The following TFAP2B variants were observed in gnomAD, a reference collection of about 807,000 sequenced individuals.
TFAP2B encodes the protein transcription factor AP-2-beta.
Under a neutral mutation model 44.3 loss-of-function variants are expected in TFAP2B, and 9 were observed. The observed-to-expected ratio is 0.20, with a 90% CI of 0.12 to 0.35. The LOEUF (loss-of-function observed/expected upper bound fraction) is 0.35, where lower values mean the gene tolerates loss of function less well. Ranked by LOEUF, TFAP2B falls within the 10% of genes least tolerant of loss-of-function variation. The pLI is 1.00. For synonymous variants in TFAP2B, 270 were observed against 263.8 expected, an observed-to-expected ratio of 1.02 and a Z score of -0.23; for missense variants, 509 against 600.0, an observed-to-expected ratio of 0.85 and a Z score of 1.59.
Position 50,823,515 on chromosome 6 carries a change from G to T in TFAP2B, c.190G>T (p.Asp64Tyr). Residue 64 changes from aspartate (D) to tyrosine (Y), a missense_variant, in exon 2 of 7, where the codon GAC becomes TAC. By Grantham distance (160) the Asp-to-Tyr change is radical. This residue lies in a region of TFAP2B where 296 missense variants were observed against 308.2 expected (regional missense o/e 0.96). Coordinates refer to ENST00000393655, the MANE Select transcript of TFAP2B (RefSeq NM_003221.4). Reference sequence around the variant, plus strand: ...GCCGCTGTCCCACACCCCGTCGTCGGACTTCCAGCCGCCCTACTTCCCACC... The same window carrying T: ...GCCGCTGTCCCACACCCCGTCGTCGTACTTCCAGCCGCCCTACTTCCCACC... ...APPLSHTPSS[D>Y]FQPPYFPPPY... 6.2e-7 allele frequency: 1 copy of T among 1,613,618 alleles called. No homozygotes were observed. The highest frequency in any genetic ancestry group is 8.5e-7 in the Non-Finnish European group (1 of 1,179,884).
chr6:50,840,025 C>T (rs537487889), intron 5 of TFAP2B, 131 bp from the exon 6 acceptor site: 2 of 1,217,214 alleles, frequency 1.6e-6, no homozygotes, highest in Non-Finnish European at 2.4e-6. Flanking sequence ...TTAGGCATCT[C>T]TCACCTTTGC....
chr6:50,820,079 G>A (rs1032060296), intron 1 of TFAP2B, among the ~76,000 whole-genome samples: 1 of 152,200 alleles, frequency 6.6e-6, no homozygotes, highest in Admixed American at 6.5e-5. Flanking sequence ...AAGGAGGGAA[G>A]TCGAGGCGGG....
rs903447572 is a variant in TFAP2B at position 50,845,636 on chromosome 6, A to G, written c.*2244A>G. 1.3e-5 allele frequency: 2 copies of G among 152,652 alleles called. No homozygotes were observed. Among genetic ancestry groups the G allele is most frequent in the African/African-American group, 4.8e-5 (2 of 41,440 alleles). The allele number at this position is 152,652 out of a possible 1,614,324, so 9.5% of individuals were successfully genotyped here. A position where few individuals can be genotyped will look rare whatever the true frequency, so the allele number is the denominator to read the frequency against. On this transcript the variant is annotated 3_prime_UTR_variant, in exon 7 of 7. Coordinates refer to ENST00000393655, the MANE Select transcript of TFAP2B (RefSeq NM_003221.4). ...CCGAGAGCTCGGCCGATCGCATTAGATGTGTTCTGATTGCACAAGGCCAGG... is the reference window on the plus strand; with the variant it reads ...CCGAGAGCTCGGCCGATCGCATTAGGTGTGTTCTGATTGCACAAGGCCAGG...
At chr6:50,827,114 G>A (rs1031219865) in intron 2 of TFAP2B, among the ~76,000 whole-genome samples, 7 of 152,132 alleles carry the variant, frequency 4.6e-5, no homozygotes, top group African/African-American at 1.7e-4. Context: ...CAAGAGTGAG[G>A]GTAAGGTGTG....
chr6:50,828,995 A>T (rs778484032), intron 3 of TFAP2B, among the ~76,000 whole-genome samples: 3 of 152,218 alleles, frequency 2.0e-5, no homozygotes, highest in Non-Finnish European at 4.4e-5. Context: ...TGGCTGGTAA[A>T]CACTGGTTTC....
intron 2 of TFAP2B, among the ~76,000 whole-genome samples, chr6:50,826,021 A>T (rs920158661): frequency 2.0e-5 from 3 of 152,172 alleles, no homozygotes; most frequent in African/African-American, 7.2e-5. Flanking sequence ...TGTTTCCAGG[A>T]CCACAGCCTC....
At chr6:50,829,085 G>A (rs140557128) in intron 3 of TFAP2B, among the ~76,000 whole-genome samples, 20 of 152,210 alleles carry the variant, frequency 1.3e-4, no homozygotes, top group East Asian at 3.9e-4. Flanking sequence ...CTCTTTCTTC[G>A]TTTTGTATTT....
intron 3 of TFAP2B, among the ~76,000 whole-genome samples, chr6:50,832,331 A>T (rs1762521781): frequency 6.6e-6 from 1 of 152,156 alleles, no homozygotes; most frequent in Non-Finnish European, 1.5e-5. Flanking sequence ...AAGTGATGAG[A>T]CTCAACTCAG....
intron 3 of TFAP2B, 28 bp from the exon 4 acceptor site, chr6:50,836,033 T>A: frequency 6.3e-7 from 1 of 1,596,750 alleles, no homozygotes; most frequent in Non-Finnish European, 8.6e-7. Flanking sequence ...CTTGGTCACC[T>A]TTATGGCAAT....
Position 50,823,471 on chromosome 6 carries a change from G to A in TFAP2B, c.146G>A (p.Gly49Glu). The A allele has an allele frequency of 6.2e-7, 1 of 1,611,878 alleles. No individual in the cohort carries two copies. Residue 49 changes from glycine to glutamate, a missense_variant, in exon 2 of 7, where the codon GGA becomes GAA. Coordinates refer to ENST00000393655, the MANE Select transcript of TFAP2B (RefSeq NM_003221.4). ...RLSQLGSVSQ[G>E]PYSSAPPLSH... is the part of the protein sequence containing the mutation. ...TCCCAGCTGGGCTCGGTGTCCCAAG[G>A]ACCCTACTCGAGCGCCCCGCCGCTG...
intron 5 of TFAP2B, among the ~76,000 whole-genome samples, chr6:50,838,659 T>C (rs1762668946): frequency 6.6e-6 from 1 of 152,172 alleles, no homozygotes; most frequent in African/African-American, 2.4e-5. Context: ...GGTATTATCT[T>C]CAATGTAGAT....
intron 5 of TFAP2B, among the ~76,000 whole-genome samples, chr6:50,839,634 T>G (rs1319249907): frequency 6.6e-6 from 1 of 152,246 alleles, no homozygotes; most frequent in Non-Finnish European, 1.5e-5. Context: ...AGGAGAATTA[T>G]TATTTCATTG....
At chr6:50,820,231 G>T (rs1770301374) in intron 1 of TFAP2B, among the ~76,000 whole-genome samples, 1 of 152,212 alleles carries the variant, frequency 6.6e-6, no homozygotes, top group African/African-American at 2.4e-5. Context: ...AGCCGAGAAA[G>T]ACACGCGACC....
At chr6:50,840,348 A>G in intron 6 of TFAP2B, 51 bp downstream of exon 6, 1 of 1,607,620 alleles carries the variant, frequency 6.2e-7, no homozygotes, top group Non-Finnish European at 8.5e-7. Context: ...TGGCTAGGCC[A>G]CCCGACTTTG....
At chr6:50,824,429 T>C (rs1770447026) in intron 2 of TFAP2B, among the ~76,000 whole-genome samples, 2 of 152,224 alleles carry the variant, frequency 1.3e-5, no homozygotes, top group African/African-American at 4.8e-5. Flanking sequence ...GCTTTGAATG[T>C]CTCATAAGCC....
At position 50,840,169 on chromosome 6, in the gene TFAP2B, C is replaced by T. The variant is rs1762697488; in HGVS notation, c.954C>T (p.His318=). 1.2e-6 allele frequency: 2 copies of T among 1,613,988 alleles called. No individual in the cohort carries two copies. Among genetic ancestry groups the T allele is most frequent in the South Asian group, 1.1e-5 (1 of 91,084 alleles). ...TGTCTTTTTCAGGAGAAGCTGTTCA[C>T]TTAGCTAGGGATTTTGGGTACATTT... The part of the protein sequence containing the change: ...LTSLVEGEAV[H]LARDFGYICE... The change falls in exon 6 of 7, where the codon CAC becomes CAT. Residue 318 remains histidine, a synonymous_variant. Transcript: ENST00000393655.
rs77590632 is a variant in TFAP2B, at chr6:50,843,513, A to G, written c.*121A>G. On this transcript the variant is annotated 3_prime_UTR_variant, in exon 7 of 7. Coordinates refer to ENST00000393655, the MANE Select transcript of TFAP2B (RefSeq NM_003221.4). ...AAGAATTATATTAGGTAGAATACAC[A>G]TACAATCAAAATTTTAAAAAAAAAA... The G allele has an allele frequency of 5.8e-6, 6 of 1,041,680 alleles. No individual in the cohort carries two copies. The East Asian group carries it at 1.1e-4, about 18-fold the overall frequency. 64.5% of individuals were successfully genotyped at this position (1,041,680 alleles called of 1,614,324 possible).
chr6:50,836,403 C>T (rs1762623980), intron 4 of TFAP2B, 123 bp downstream of exon 4: 5 of 901,982 alleles, frequency 5.5e-6, no homozygotes, highest in Non-Finnish European at 8.7e-6. Flanking sequence ...GACGCAGTTG[C>T]CTAGCAACCG....
chr6:50,843,036 T>C (rs1439362324), intron 6 of TFAP2B, 56 bp from the exon 7 acceptor site: 3 of 1,610,490 alleles, frequency 1.9e-6, no homozygotes, highest in African/African-American at 2.7e-5. Context: ...TCCTTTCTAA[T>C]GCCAATGACA....
Sources: allele counts gnomAD v4.1 joint callset (sites outside exome capture counted in the v4.1 genomes callset), GRCh38; gene constraint gnomAD v4.1.1; regional missense constraint gnomAD v4.1.1; transcripts MANE v1.5; gene names NCBI Gene and HGNC (gene_info 2026-07-23, HGNC 2026-07-21).